Variants in TENM3 observed in about 807,000 individuals in gnomAD.
TENM3 encodes the protein teneurin transmembrane protein 3.
In TENM3, 63 loss-of-function variants were observed where a neutral mutation model predicts 255.1. The observed-to-expected ratio is 0.25, with a 90% CI of 0.20 to 0.30. TENM3 has a LOEUF of 0.30. Ranked by LOEUF, TENM3 falls within the 10% of genes least tolerant of loss-of-function variation. The probability of loss-of-function intolerance (pLI) is 1.00; values close to 1 mark genes in which losing one functional copy is unlikely to be tolerated. For missense variants in TENM3, 2,929 were observed against 3,461.1 expected (o/e 0.85, Z 3.86); for synonymous variants, 1,306 against 1,322.3 (o/e 0.99, Z 0.27).
At chr4:182,587,177 A>G (rs1237565020) in intron 3 of TENM3, among the ~76,000 whole-genome samples, 3 of 152,010 alleles carry the variant, frequency 2.0e-5, no homozygotes, top group African/African-American at 7.3e-5. Context: ...CGTAGCCTCA[A>G]CCTCCTAGGC....
intron 1 of TENM3, among the ~76,000 whole-genome samples, chr4:182,181,829 C>T (rs1265449923): frequency 6.6e-6 from 1 of 151,470 alleles, no homozygotes; most frequent in Non-Finnish European, 1.5e-5. Flanking sequence ...CATAATCAAT[C>T]ACTGATATTT....
chr4:181,498,923 C>T, the TENM3 span, among the ~76,000 whole-genome samples: 2 of 152,134 alleles, frequency 1.3e-5, no homozygotes, highest in African/African-American at 4.8e-5. Flanking sequence ...CCACAGTAAG[C>T]AATACATTTT....
chr4:181,923,264 T>C, the TENM3 span, among the ~76,000 whole-genome samples: 1 of 151,318 alleles, frequency 6.6e-6, no homozygotes, highest in African/African-American at 2.4e-5. Flanking sequence ...CTTGGTGCAA[T>C]TATTAAACCA....
chr4:182,139,104 G>A (rs139193621), upstream of TENM3, among the ~76,000 whole-genome samples: 193 of 152,168 alleles, frequency 1.3e-3, no homozygotes, highest in African/African-American at 4.2e-3. Context: ...AGGCTTGTGT[G>A]TCCAAAGAGG....
chr4:182,179,995 C>A (rs964974319), intron 1 of TENM3, among the ~76,000 whole-genome samples: 8 of 152,006 alleles, frequency 5.3e-5, no homozygotes, highest in Admixed American at 5.2e-4. Context: ...GGGCAGGAAT[C>A]CACTTCCCTA....
chr4:182,501,384 G>C (rs989792753), intron 3 of TENM3, among the ~76,000 whole-genome samples: 5 of 131,814 alleles, frequency 3.8e-5, no homozygotes, highest in Non-Finnish European at 8.3e-5. Context: ...GGGGGGGGGG[G>C]TTGGCAATTA....
chr4:182,771,932 C>T (rs965360768), intron 22 of TENM3, among the ~76,000 whole-genome samples: 7 of 152,138 alleles, frequency 4.6e-5, no homozygotes, highest in East Asian at 1.9e-4. Context: ...CCTGAGTGCC[C>T]GTTCCTGCCG....
chr4:182,705,588 G>A (rs1167841065), intron 12 of TENM3, among the ~76,000 whole-genome samples: 2 of 152,234 alleles, frequency 1.3e-5, no homozygotes, highest in Non-Finnish European at 1.5e-5. Flanking sequence ...GCTACCTGAC[G>A]TCTATATAAC....
intron 2 of TENM3, among the ~76,000 whole-genome samples, chr4:182,329,727 A>G (rs1580178866): frequency 6.6e-6 from 1 of 152,310 alleles, no homozygotes; most frequent in African/African-American, 2.4e-5. Flanking sequence ...TGGCCACCAA[A>G]TGCTGGAGAA....
the TENM3 span, among the ~76,000 whole-genome samples, chr4:181,620,271 TAAAA>T: frequency 0.19 from 27,504 of 148,504 alleles, 3,056 homozygotes; most frequent in East Asian, 0.35. Flanking sequence ...AAAATAAAAA[TAAAA>T]ATAAAATAAA....
At chr4:182,101,451 G>T in the TENM3 span, among the ~76,000 whole-genome samples, 1 of 152,188 alleles carries the variant, frequency 6.6e-6, no homozygotes, top group East Asian at 1.9e-4. Context: ...ATGGCATCTC[G>T]CCCTCTCACC....
the TENM3 span, among the ~76,000 whole-genome samples, chr4:181,459,979 C>A: frequency 6.6e-6 from 1 of 152,006 alleles, no homozygotes; most frequent in Non-Finnish European, 1.5e-5. Flanking sequence ...TACCTCTCTT[C>A]ACTTTTCTTC....
At chr4:182,114,242 G>A in the TENM3 span, among the ~76,000 whole-genome samples, 1 of 151,960 alleles carries the variant, frequency 6.6e-6, no homozygotes. Context: ...AAGTTCCTGT[G>A]AATCAAATGC....
the TENM3 span, among the ~76,000 whole-genome samples, chr4:182,053,150 T>C: frequency 1.2e-4 from 18 of 152,040 alleles, no homozygotes; most frequent in African/African-American, 4.4e-4. Flanking sequence ...CCAGATGAGA[T>C]GCAATACTCC....
At chr4:182,174,434 A>C (rs1297632901) in intron 1 of TENM3, among the ~76,000 whole-genome samples, 1 of 118,516 alleles carries the variant, frequency 8.4e-6, no homozygotes, top group Non-Finnish European at 1.8e-5. Flanking sequence ...TTTTGTAGGC[A>C]CTCTTTTTGT....
the TENM3 span, among the ~76,000 whole-genome samples, chr4:182,127,271 T>C: frequency 6.6e-6 from 1 of 152,224 alleles, no homozygotes; most frequent in Admixed American, 6.5e-5. Context: ...TAGCATCCTG[T>C]GTATAACTTT....
the TENM3 span, among the ~76,000 whole-genome samples, chr4:181,670,504 T>C: frequency 1.8e-4 from 28 of 152,194 alleles, no homozygotes; most frequent in Non-Finnish European, 5.9e-5. Flanking sequence ...AGGCAGTGAA[T>C]CTTGTGGAAC....
rs573371837 is a variant in TENM3 at position 182,523,165 on chromosome 4, T to TTG, written c.512-77744_512-77743dup. 1.7e-3 allele frequency among the ~76,000 whole-genome samples: 258 copies of TTG among 151,556 alleles called. 1 individual carries two copies. Among genetic ancestry groups the TTG allele is most frequent in the Admixed American group, 2.5e-3 (38 of 15,196 alleles). On this transcript the variant is annotated intron_variant, in intron 3 of 27. Coordinates refer to ENST00000511685, the MANE Select transcript of TENM3 (RefSeq NM_001080477.4). The stretch of plus-strand genomic sequence containing the variant: ...ATTTGGCGGGTTTTGTTTTTTGTTT[T>TTG]TGTGTGTGTGTGTGTGGTTTTGTTG...
chr4:182,034,891 T>C, the TENM3 span, among the ~76,000 whole-genome samples: 3 of 152,134 alleles, frequency 2.0e-5, no homozygotes, highest in Non-Finnish European at 2.9e-5. Context: ...GAATATCTTA[T>C]TGGGATTCTC....
Sources: gnomAD v4.1 joint callset for allele counts (sites outside exome capture counted in the v4.1 genomes callset) on GRCh38, gnomAD v4.1.1 for gene constraint, MANE v1.5 for transcripts, NCBI Gene and HGNC (gene_info 2026-07-23, HGNC 2026-07-21) for gene names.